The following EYS variants were observed in gnomAD, a reference collection of about 807,000 sequenced individuals.
The protein encoded by EYS is EGF-like photoreceptor maintenance factor.
Under a neutral mutation model 282.1 loss-of-function variants are expected in EYS, and 250 were observed. That is an observed-to-expected ratio of 0.89 (90% CI 0.80 to 0.98). EYS has a LOEUF of 0.98. Among genes scored for constraint, EYS ranks in the 50% least tolerant of loss-of-function variants. The pLI is 0.00. For synonymous variants in EYS, 1,355 were observed against 1,282.9 expected (o/e 1.06, Z -1.20); for missense variants, 4,016 against 3,709.0 (o/e 1.08, Z -2.15).
In EYS at chr6:64,224,620, T is replaced by C. The variant is rs916368515; in HGVS notation, c.6424+5972A>G. Among the ~76,000 whole-genome samples the C allele has an allele frequency of 1.1e-4, 17 of 152,106 alleles. No homozygotes were observed. The East Asian group carries it at 2.7e-3, about 24-fold the overall frequency. On this transcript the variant is annotated intron_variant, in intron 31 of 42. Coordinates refer to ENST00000503581, the MANE Select transcript of EYS (RefSeq NM_001142800.2). Reference sequence around the variant, plus strand: ...AAGTACCATTTAAGATAATATTTTCTCCATAAAATATTTTTCTCGATGACC... The same window carrying C: ...AAGTACCATTTAAGATAATATTTTCCCCATAAAATATTTTTCTCGATGACC...
intron 36 of EYS, among the ~76,000 whole-genome samples, chr6:63,834,134 C>A (rs867564911): frequency 1.8e-4 from 28 of 152,152 alleles, no homozygotes; most frequent in African/African-American, 6.5e-4. Context: ...CAATACCATT[C>A]AGGACATAGG....
At chr6:64,278,621 A>G (rs995017499) in intron 30 of EYS, among the ~76,000 whole-genome samples, 1 of 152,204 alleles carries the variant, frequency 6.6e-6, no homozygotes, top group Non-Finnish European at 1.5e-5. Context: ...ATAATTTGGG[A>G]TACCAAAAGG....
chr6:65,352,561 AT>A (rs1391147763), intron 9 of EYS, among the ~76,000 whole-genome samples: 1 of 151,932 alleles, frequency 6.6e-6, no homozygotes, highest in Non-Finnish European at 1.5e-5. Context: ...GAATGATTTC[AT>A]TTCAAGTGTG....
intron 26 of EYS, among the ~76,000 whole-genome samples, chr6:64,520,603 T>C (rs930169504): frequency 6.6e-6 from 1 of 151,744 alleles, no homozygotes; most frequent in African/African-American, 2.4e-5. Flanking sequence ...CAGAACATTT[T>C]TATGACTTGA....
intron 22 of EYS, among the ~76,000 whole-genome samples, chr6:64,778,985 C>G (rs775355103): frequency 4.6e-5 from 7 of 152,132 alleles, no homozygotes; most frequent in Non-Finnish European, 8.8e-5. Flanking sequence ...AAAACACTGA[C>G]AACACCAAAT....
At chr6:64,200,450 GT>G (rs1379016404) in intron 31 of EYS, among the ~76,000 whole-genome samples, 2 of 152,108 alleles carry the variant, frequency 1.3e-5, no homozygotes, top group Non-Finnish European at 2.9e-5. Context: ...TCTGTAGTAT[GT>G]GCTCAATAAC....
chr6:63,974,318 TA>T (rs200146439), intron 35 of EYS, among the ~76,000 whole-genome samples: 12 of 151,706 alleles, frequency 7.9e-5, no homozygotes, highest in East Asian at 3.9e-4. Flanking sequence ...CTTTTCCTAC[TA>T]AAAAAAACCA....
intron 26 of EYS, among the ~76,000 whole-genome samples, chr6:64,442,002 A>G (rs1056640686): frequency 6.6e-6 from 1 of 152,216 alleles, no homozygotes; most frequent in Non-Finnish European, 1.5e-5. Flanking sequence ...GGAACTGGGC[A>G]ACAGGCAGAG....
At chr6:63,756,971 G>A (rs141093743) in intron 41 of EYS, among the ~76,000 whole-genome samples, 233 of 152,148 alleles carry the variant, frequency 1.5e-3, no homozygotes, top group Middle Eastern at 0.014. Flanking sequence ...CAAATTGATC[G>A]TAAAACATGT....
At chr6:64,564,800 T>C (rs947438429) in intron 26 of EYS, among the ~76,000 whole-genome samples, 32 of 135,126 alleles carry the variant, frequency 2.4e-4, no homozygotes, top group Non-Finnish European at 3.8e-4. Flanking sequence ...GGGGTGGGGG[T>C]CGGGGGCTAG....
intron 28 of EYS, among the ~76,000 whole-genome samples, chr6:64,390,513 C>A (rs575732753): frequency 2.0e-5 from 3 of 151,520 alleles, no homozygotes; most frequent in East Asian, 2.0e-4. Context: ...AGCAGGGGCA[C>A]ACTGACACCT....
At chr6:64,289,567 G>A (rs955216300) in intron 30 of EYS, among the ~76,000 whole-genome samples, 1 of 151,968 alleles carries the variant, frequency 6.6e-6, no homozygotes, top group Admixed American at 6.6e-5. Flanking sequence ...TTCTGATTCT[G>A]TTATGCCTGC....
intron 5 of EYS, among the ~76,000 whole-genome samples, chr6:65,487,447 G>A (rs1010874038): frequency 1.1e-4 from 16 of 152,138 alleles, no homozygotes; most frequent in South Asian, 4.1e-4. Context: ...GCTTTTTGTT[G>A]TTGGTTCTGT....
At chr6:65,172,639 A>G (rs1765131447) in intron 12 of EYS, among the ~76,000 whole-genome samples, 1 of 151,338 alleles carries the variant, frequency 6.6e-6, no homozygotes, top group African/African-American at 2.4e-5. Context: ...AACAGGAAGG[A>G]GGATACAGCT....
chr6:64,691,519 CTCTT>C (rs1197435757), intron 22 of EYS, among the ~76,000 whole-genome samples: 1 of 152,112 alleles, frequency 6.6e-6, no homozygotes, highest in Non-Finnish European at 1.5e-5. Flanking sequence ...GTTTCAACTT[CTCTT>C]TAAGATACAG....
chr6:64,600,345 C>T (rs546061185), intron 24 of EYS, among the ~76,000 whole-genome samples: 1 of 152,090 alleles, frequency 6.6e-6, no homozygotes, highest in Non-Finnish European at 1.5e-5. Context: ...GGTTATCTAA[C>T]TTGATTGGGA....
chr6:63,946,102 G>T (rs1298232787), intron 35 of EYS, among the ~76,000 whole-genome samples: 1 of 152,146 alleles, frequency 6.6e-6, no homozygotes, highest in Non-Finnish European at 1.5e-5. Flanking sequence ...TTCTACAAAT[G>T]AAAACTCAAG....
chr6:64,303,138 ACT>A (rs1172094137), intron 30 of EYS, among the ~76,000 whole-genome samples: 1 of 151,906 alleles, frequency 6.6e-6, no homozygotes, highest in Non-Finnish European at 1.5e-5. Context: ...AAATTCTCTC[ACT>A]CTGCCTGCAT....
intron 31 of EYS, among the ~76,000 whole-genome samples, chr6:64,191,737 A>G (rs963688904): frequency 3.3e-5 from 5 of 151,872 alleles, no homozygotes; most frequent in Admixed American, 3.3e-4. Context: ...ATTGTTGGAC[A>G]TTTGGGTTGG....
Sources: allele counts gnomAD v4.1 joint callset (sites outside exome capture counted in the v4.1 genomes callset), GRCh38; gene constraint gnomAD v4.1.1; transcripts MANE v1.5; gene names NCBI Gene and HGNC (gene_info 2026-07-23, HGNC 2026-07-21).